POU6F2: variants seen among roughly 807,000 people sequenced by gnomAD.
POU6F2 encodes the protein POU domain, class 6, transcription factor 2.
A neutral mutation model predicts 71.3 loss-of-function variants in POU6F2; 31 were observed. That is an observed-to-expected ratio of 0.43 (90% CI 0.33 to 0.59). The LOEUF (loss-of-function observed/expected upper bound fraction) is 0.59. Among genes scored for constraint, POU6F2 ranks in the 20% least tolerant of loss-of-function variants. The pLI is 0.04. For synonymous variants in POU6F2, 347 were observed against 355.7 expected, an observed-to-expected ratio of 0.98 and a Z score of 0.27; for missense variants, 783 against 856.8, an observed-to-expected ratio of 0.91 and a Z score of 1.07.
rs1789034804 is a variant in POU6F2 at position 39,464,952 on chromosome 7, A to G, written c.*266A>G. 2 of 419,022 alleles carry G rather than the reference A, an allele frequency of 4.8e-6. No individual in the cohort carries two copies. The highest frequency in any genetic ancestry group is 8.1e-5 in the Admixed American group (2 of 24,812). 26.0% of individuals were successfully genotyped at this position (419,022 alleles called of 1,614,324 possible). A position where few individuals can be genotyped will look rare whatever the true frequency, so the allele number is the denominator to read the frequency against. On this transcript the variant is annotated 3_prime_UTR_variant, in exon 10 of 10. Coordinates refer to ENST00000518318, the MANE Select transcript of POU6F2 (RefSeq NM_001370959.1). The surrounding 1 kb of genome is among the most constrained non-coding windows in gnomAD (Gnocchi z 4.1). ...ACACTGAAGGTGTGTGTGGTAGGAT[A>G]GTTCCCTTCCCCCACCTGTCTCCCC... is the stretch of plus-strand genomic sequence containing the variant.
intron 1 of POU6F2, among the ~76,000 whole-genome samples, chr7:39,047,217 T>C (rs1451338034): frequency 6.6e-6 from 1 of 152,044 alleles, no homozygotes; most frequent in East Asian, 1.9e-4. Context: ...AAATTTTATA[T>C]ATTGATCAAT....
chr7:39,266,441 G>GTTTA (rs1312911300), intron 4 of POU6F2, among the ~76,000 whole-genome samples: 2 of 152,294 alleles, frequency 1.3e-5, no homozygotes, highest in East Asian at 3.9e-4. Flanking sequence ...CCTTGGCAGT[G>GTTTA]TTTACGTAGC....
At chr7:39,284,911 G>C (rs1035748885) in intron 4 of POU6F2, among the ~76,000 whole-genome samples, 1 of 152,052 alleles carries the variant, frequency 6.6e-6, no homozygotes, top group Non-Finnish European at 1.5e-5. Flanking sequence ...GTGGGTCTAG[G>C]CATCATTGCT....
chr7:39,304,702 G>A (rs372412776), intron 4 of POU6F2, among the ~76,000 whole-genome samples: 8 of 152,138 alleles, frequency 5.3e-5, no homozygotes, highest in African/African-American at 1.2e-4. Flanking sequence ...CTGAGAGTAC[G>A]CACACACAGC....
chr7:39,260,375 T>G (rs1184052859), intron 4 of POU6F2, among the ~76,000 whole-genome samples: 1 of 142,358 alleles, frequency 7.0e-6, no homozygotes, highest in Non-Finnish European at 1.5e-5. Flanking sequence ...ACACACACAT[T>G]CCATACCTTG....
At chr7:39,200,653 TG>T (rs1429512522) in intron 2 of POU6F2, among the ~76,000 whole-genome samples, 2 of 152,078 alleles carry the variant, frequency 1.3e-5, no homozygotes, top group Non-Finnish European at 2.9e-5. Flanking sequence ...GGCAGGAATA[TG>T]AATTGAGTTG....
chr7:39,017,526 G>A (rs13234105), intron 1 of POU6F2, among the ~76,000 whole-genome samples: 3 of 152,052 alleles, frequency 2.0e-5, no homozygotes, highest in African/African-American at 7.2e-5. Context: ...TGTATCCCTG[G>A]CTGGAAAGCA....
chr7:39,429,639 C>G (rs1454951174), intron 6 of POU6F2, among the ~76,000 whole-genome samples: 1 of 152,174 alleles, frequency 6.6e-6, no homozygotes, highest in African/African-American at 2.4e-5. Context: ...ATAAATCTGT[C>G]TGGTACATTG....
intron 1 of POU6F2, among the ~76,000 whole-genome samples, chr7:38,991,321 A>G (rs935094848): frequency 6.6e-6 from 1 of 152,124 alleles, no homozygotes; most frequent in Non-Finnish European, 1.5e-5. Context: ...TTAATTTCTT[A>G]GTTTGTTTTC....
At chr7:39,350,130 C>T (rs1786112567) in intron 5 of POU6F2, among the ~76,000 whole-genome samples, 1 of 151,604 alleles carries the variant, frequency 6.6e-6, no homozygotes, top group African/African-American at 2.4e-5. Context: ...AGGGCTCAGC[C>T]CAGCACCTCC....
intron 2 of POU6F2, among the ~76,000 whole-genome samples, chr7:39,112,207 A>G (rs914026519): frequency 1.3e-5 from 2 of 152,204 alleles, no homozygotes; most frequent in Non-Finnish European, 2.9e-5. Flanking sequence ...CTGGCTGAAC[A>G]TGTTGGTTCA....
At chr7:39,311,351 G>T (rs905262086) in intron 4 of POU6F2, among the ~76,000 whole-genome samples, 6 of 150,910 alleles carry the variant, frequency 4.0e-5, no homozygotes, top group African/African-American at 1.5e-4. Context: ...GTGACCCATT[G>T]CACTTCTCAT....
rs1166811956 is a variant in POU6F2, at chr7:39,412,778, C to CTTTTTTTTTTTTTTTTT, written c.1113+6063_1113+6079dup. Among the ~76,000 whole-genome samples the CTTTTTTTTTTTTTTTTT allele has an allele frequency of 1.3e-3, 29 of 23,168 alleles. 12 individuals are homozygous for CTTTTTTTTTTTTTTTTT. The highest frequency in any genetic ancestry group is 2.0e-3 in the Non-Finnish European group (19 of 9,474). 15.2% of individuals were successfully genotyped at this position (23,168 alleles called of 152,430 possible). On this transcript the variant is annotated intron_variant, in intron 6 of 9. Coordinates refer to ENST00000518318, the MANE Select transcript of POU6F2 (RefSeq NM_001370959.1). ...TCCGTATTAGCTTCAGTTTTCTTGC[C>CTTTTTTTTTTTTTTTTT]TTTTTTTTTTTTTTTTTTTTTTTTT...
chr7:39,129,630 TAGATAG>T lies in POU6F2; in HGVS notation c.277+43601_277+43606del, dbSNP rs1562716647. Reference sequence around the variant, plus strand: ...GGCTGAGAGACAATAGATATATAGATAGATAGATAGATAGATAGATAGATAGATAGA... The same window carrying T: ...GGCTGAGAGACAATAGATATATAGATATAGATAGATAGATAGATAGATAGA... On this transcript the variant is annotated intron_variant, in intron 2 of 9. Transcript: ENST00000518318. 1.0e-4 allele frequency among the ~76,000 whole-genome samples: 11 copies of T among 109,102 alleles called. No individual in the cohort carries two copies. The Admixed American group carries it at 1.2e-3, about 12-fold the overall frequency. The allele number at this position is 109,102 out of a possible 152,430, so 71.6% of individuals were successfully genotyped here. A position where few individuals can be genotyped will look rare whatever the true frequency, so the allele number is the denominator to read the frequency against.
chr7:39,329,490 A>G (rs1785591873), intron 4 of POU6F2, among the ~76,000 whole-genome samples: 1 of 152,144 alleles, frequency 6.6e-6, no homozygotes, highest in South Asian at 2.1e-4. Context: ...GATTCTTAGA[A>G]GTCATTTGAT....
intron 4 of POU6F2, among the ~76,000 whole-genome samples, chr7:39,260,439 C>T (rs921500289): frequency 6.6e-6 from 1 of 150,590 alleles, no homozygotes; most frequent in Non-Finnish European, 1.5e-5. Context: ...TACACACACC[C>T]CATACACATA....
At chr7:39,015,704 TATCTATGTTATATAG>T (rs377187670) in intron 1 of POU6F2, among the ~76,000 whole-genome samples, 99 of 56,212 alleles carry the variant, frequency 1.8e-3, no homozygotes, top group Non-Finnish European at 1.9e-3. Context: ...ATATTATATA[TATCTATGTTATATAG>T]AGATATATAA....
At chr7:39,205,437 T>A (rs913827259) in intron 3 of POU6F2, among the ~76,000 whole-genome samples, 2 of 151,986 alleles carry the variant, frequency 1.3e-5, no homozygotes, top group Non-Finnish European at 2.9e-5. Context: ...GTGGTGGCCC[T>A]CCGACAAACT....
chr7:39,395,921 A>G (rs1294897775), intron 5 of POU6F2, among the ~76,000 whole-genome samples: 2 of 152,228 alleles, frequency 1.3e-5, no homozygotes, highest in Non-Finnish European at 2.9e-5. Flanking sequence ...ACTTGTTTAA[A>G]CTGGATGATA....
Sources: gnomAD v4.1 joint callset for allele counts (sites outside exome capture counted in the v4.1 genomes callset) on GRCh38, gnomAD v4.1.1 for gene constraint, Gnocchi (gnomAD v3.1) non-coding constraint, MANE v1.5 for transcripts, NCBI Gene and HGNC (gene_info 2026-07-23, HGNC 2026-07-21) for gene names.